The following GPR158 variants were observed in gnomAD, a reference collection of about 807,000 sequenced individuals.
The protein encoded by GPR158 is metabotropic glycine receptor.
GPR158 carries 30 observed loss-of-function variants against 78.2 expected under a neutral mutation model. The observed-to-expected ratio is 0.38, with a 90% CI of 0.29 to 0.52. The LOEUF is 0.52. Among genes scored for constraint, GPR158 ranks in the 20% least tolerant of loss-of-function variants. The pLI is 0.83. For missense variants in GPR158, 1,463 were observed against 1,523.5 expected (o/e 0.96, Z 0.66); for synonymous variants, 581 against 591.1 (o/e 0.98, Z 0.25).
At chr10:25,526,327 T>C (rs1225974384) in intron 5 of GPR158, among the ~76,000 whole-genome samples, 4 of 152,124 alleles carry the variant, frequency 2.6e-5, no homozygotes, top group Non-Finnish European at 5.9e-5. Context: ...ACCTACTCTT[T>C]TGCAGAGGGC....
At chr10:25,451,716 C>T (rs781428192) in intron 4 of GPR158, among the ~76,000 whole-genome samples, 7 of 152,030 alleles carry the variant, frequency 4.6e-5, no homozygotes, top group Non-Finnish European at 8.8e-5. Flanking sequence ...TTATAAAGCG[C>T]GTACCTACTA....
chr10:25,448,613 C>A (rs934654129), intron 4 of GPR158, among the ~76,000 whole-genome samples: 1 of 152,108 alleles, frequency 6.6e-6, no homozygotes, highest in Non-Finnish European at 1.5e-5. Context: ...GTTTTTCTTT[C>A]TTTTAGGTGA....
At chr10:25,476,179 G>A (rs993386405) in intron 5 of GPR158, among the ~76,000 whole-genome samples, 4 of 152,074 alleles carry the variant, frequency 2.6e-5, no homozygotes, top group Admixed American at 6.6e-5. Context: ...ATTTGTGAAC[G>A]AGTGATCACT....
chr10:25,473,680 C>T (rs1040761702), intron 5 of GPR158, among the ~76,000 whole-genome samples: 4 of 151,994 alleles, frequency 2.6e-5, no homozygotes, highest in African/African-American at 9.7e-5. Flanking sequence ...GGTTTAGTCT[C>T]AGTAGAGTGT....
rs370881136 is a variant in GPR158, at chr10:25,280,274, T to C, written c.1008+59117T>C. On this transcript the variant is annotated intron_variant, in intron 2 of 10. Coordinates refer to ENST00000376351, the MANE Select transcript of GPR158 (RefSeq NM_020752.3). ...CATAGACAGTTTGAAAGAATAAGGATGAAAAAAGATATGCCAGGAGAATAC... is the reference window on the plus strand; with the variant it reads ...CATAGACAGTTTGAAAGAATAAGGACGAAAAAAGATATGCCAGGAGAATAC... Among the ~76,000 whole-genome samples the C allele has an allele frequency of 4.7e-4, 72 of 152,110 alleles. 1 individual carries two copies. The highest frequency in any genetic ancestry group is 1.6e-3 in the African/African-American group (68 of 41,510).
At chr10:25,467,259 T>G (rs764249499) in intron 5 of GPR158, among the ~76,000 whole-genome samples, 1 of 152,206 alleles carries the variant, frequency 6.6e-6, no homozygotes, top group Non-Finnish European at 1.5e-5. Flanking sequence ...GATAAAAGAC[T>G]GTGGAGACCA....
At position 25,336,359 on chromosome 10, in the gene GPR158, C is replaced by A. The variant is rs117565933; in HGVS notation, c.1009-59552C>A. On this transcript the variant is annotated intron_variant, in intron 2 of 10. Transcript: ENST00000376351. ...ACCAAAGAATCATTTACATTCTTCTCCCTTTATTGTGATTCAGTTGGCTGT... is the reference window on the plus strand; with the variant it reads ...ACCAAAGAATCATTTACATTCTTCTACCTTTATTGTGATTCAGTTGGCTGT... Among the ~76,000 whole-genome samples, 221 of 152,132 alleles carry A rather than the reference C, an allele frequency of 1.5e-3. 2 individuals are homozygous for A. In the East Asian group the frequency reaches 0.036, roughly 25 times the overall value.
At chr10:25,249,015 T>G (rs902535757) in intron 2 of GPR158, among the ~76,000 whole-genome samples, 35 of 151,212 alleles carry the variant, frequency 2.3e-4, no homozygotes, top group Middle Eastern at 3.4e-3. Context: ...TAGTTCTCCT[T>G]GAAGAGGTCC....
intron 2 of GPR158, among the ~76,000 whole-genome samples, chr10:25,372,670 G>T (rs1375819169): frequency 7.7e-6 from 1 of 129,662 alleles, no homozygotes; most frequent in African/African-American, 2.9e-5. Flanking sequence ...AGAACACATG[G>T]ACACAGGAAG....
In GPR158 at chr10:25,589,114, C is replaced by T; in HGVS notation, c.1861C>T (p.Leu621Phe). ...RYMAVAVHNELIISAIFHTIR... is the reference protein window; with the variant it reads ...RYMAVAVHNEFIISAIFHTIR... Reference sequence around the variant, plus strand: ...TATGGCTGTTGCAGTTCACAATGAGCTCATCATCTCTGCTATATTCCATAC... The same window carrying T: ...TATGGCTGTTGCAGTTCACAATGAGTTCATCATCTCTGCTATATTCCATAC... The change falls in exon 8 of 11, where the codon CTC becomes TTC. Residue 621 changes from leucine (L) to phenylalanine (F), a missense_variant. Transcript: ENST00000376351. 1.9e-6 allele frequency: 3 copies of T among 1,612,036 alleles called. No homozygotes were observed. Among genetic ancestry groups the T allele is most frequent in the South Asian group, 1.1e-5 (1 of 90,856 alleles).
intron 2 of GPR158, among the ~76,000 whole-genome samples, chr10:25,241,414 T>TCTTCTCTTCTCTTCTCTTCTCTTCTCTTG (rs1564399847): frequency 1.8e-5 from 1 of 54,932 alleles, no homozygotes; most frequent in African/African-American, 7.7e-5. Flanking sequence ...CTCTTCTCTT[T>TCTTCTCTTCTCTTCTCTTCTCTTCTCTTG]TCTTTTCTTT....
intron 7 of GPR158, among the ~76,000 whole-genome samples, chr10:25,576,287 C>G (rs191225723): frequency 6.6e-6 from 1 of 152,098 alleles, no homozygotes; most frequent in Admixed American, 6.6e-5. Flanking sequence ...TTATAAATGA[C>G]GATGTACGGG....
chr10:25,175,614 C>A lies in GPR158; in HGVS notation c.194C>A (p.Thr65Asn). Residue 65 changes from threonine to asparagine, a missense_variant, in exon 1 of 11, where the codon ACC becomes AAC. Transcript: ENST00000376351. The surrounding 1 kb of genome is among the most constrained non-coding windows in gnomAD (Gnocchi z 6.4). ...SDSSAPWSRSTDGTILAQKLA... is the reference protein window; with the variant it reads ...SDSSAPWSRSNDGTILAQKLA... ...TCCTCGGCTCCCTGGAGCCGCTCCA[C>A]CGATGGCACCATCTTGGCGCAGAAA... is the stretch of plus-strand genomic sequence containing the variant. 1 of 1,611,056 alleles carries A rather than the reference C, an allele frequency of 6.2e-7. No homozygotes were observed. The highest frequency in any genetic ancestry group is 2.2e-5 in the East Asian group (1 of 44,838).
intron 4 of GPR158, among the ~76,000 whole-genome samples, chr10:25,421,312 T>A (rs1834747770): frequency 1.3e-5 from 2 of 152,212 alleles, no homozygotes; most frequent in Admixed American, 1.3e-4. Context: ...GTCTATGATT[T>A]TTCTTTTGTA....
intron 2 of GPR158, among the ~76,000 whole-genome samples, chr10:25,351,425 T>TG (rs1855468713): frequency 7.7e-6 from 1 of 130,216 alleles, no homozygotes. Flanking sequence ...GAACTGGAGT[T>TG]GGGGGTGGGG....
intron 5 of GPR158, among the ~76,000 whole-genome samples, chr10:25,474,586 T>G (rs2130628076): frequency 6.6e-6 from 1 of 152,280 alleles, no homozygotes; most frequent in Non-Finnish European, 1.5e-5. Flanking sequence ...CTTGTTTCAA[T>G]TTGTAATTAC....
chr10:25,497,012 G>C (rs1024483839), intron 5 of GPR158, among the ~76,000 whole-genome samples: 6 of 152,150 alleles, frequency 3.9e-5, no homozygotes, highest in Non-Finnish European at 7.4e-5. Context: ...AGCTTGGACA[G>C]GTGACGGGCC....
intron 4 of GPR158, among the ~76,000 whole-genome samples, chr10:25,425,982 T>A (rs192370166): frequency 1.9e-3 from 287 of 152,276 alleles, no homozygotes; most frequent in Non-Finnish European, 3.4e-3. Context: ...TTAATCTGTG[T>A]GCAATTGTTC....
chr10:25,343,851 T>C (rs1855335807), intron 2 of GPR158, among the ~76,000 whole-genome samples: 1 of 151,960 alleles, frequency 6.6e-6, no homozygotes. Context: ...ATTGTCAACA[T>C]ATACTCAAGA....
Sources: allele counts gnomAD v4.1 joint callset (sites outside exome capture counted in the v4.1 genomes callset), GRCh38; gene constraint gnomAD v4.1.1; non-coding constraint Gnocchi (gnomAD v3.1); transcripts MANE v1.5; gene names NCBI Gene and HGNC (gene_info 2026-07-23, HGNC 2026-07-21).